UPF2: variants seen among roughly 807,000 people sequenced by gnomAD.
UPF2 encodes the protein regulator of nonsense transcripts 2.
Under a neutral mutation model 141.4 loss-of-function variants are expected in UPF2, and 17 were observed. That is an observed-to-expected ratio of 0.12 (90% CI 0.08 to 0.18). The LOEUF (loss-of-function observed/expected upper bound fraction) is 0.18, where lower values mean the gene tolerates loss of function less well. Ranked by LOEUF, UPF2 falls within the 10% of genes least tolerant of loss-of-function variation. The pLI, the probability that UPF2 is intolerant of heterozygous loss-of-function variation, is 1.00. For missense variants in UPF2, 1,152 were observed against 1,515.9 expected (o/e 0.76, Z 3.99); for synonymous variants, 540 against 498.0 (o/e 1.08, Z -1.12).
chr10:11,928,204 G>A (rs958007865), intron 21 of UPF2, among the ~76,000 whole-genome samples: 1 of 152,070 alleles, frequency 6.6e-6, no homozygotes, highest in African/African-American at 2.4e-5. Flanking sequence ...GGCGTGCTGG[G>A]TGGGCACCTG....
Position 11,983,386 on chromosome 10 carries a change from T to A in UPF2, c.1845-4221A>T, listed in dbSNP as rs139841993. Among the ~76,000 whole-genome samples, 5 of 152,316 alleles carry A rather than the reference T, an allele frequency of 3.3e-5. No individual in the cohort carries two copies. The East Asian group carries it at 9.6e-4, about 29-fold the overall frequency. ...ATGCTGGATTCTTATTTACTTATTT[T>A]TTTTTAGATGGAGTCTCGCTCTGCC... On this transcript the variant is annotated intron_variant, in intron 8 of 21. Coordinates refer to ENST00000357604, the MANE Select transcript of UPF2 (RefSeq NM_015542.4).
intron 4 of UPF2, 54 bp downstream of exon 4, chr10:12,013,969 GT>G: frequency 1.4e-6 from 2 of 1,410,350 alleles, no homozygotes; most frequent in Non-Finnish European, 1.9e-6. Context: ...AAGCCTAAAG[GT>G]AAGTGACAGT....
intron 9 of UPF2, among the ~76,000 whole-genome samples, chr10:11,969,728 G>A (rs756149841): frequency 6.6e-6 from 1 of 152,200 alleles, no homozygotes; most frequent in African/African-American, 2.4e-5. Flanking sequence ...GATTGATTGA[G>A]TGTGCACTGT....
At chr10:12,039,696 C>T (rs1834701001) in intron 1 of UPF2, among the ~76,000 whole-genome samples, 1 of 151,482 alleles carries the variant, frequency 6.6e-6, no homozygotes, top group Non-Finnish European at 1.5e-5. Context: ...TCTCGGCTCA[C>T]CACAACCTCT....
Position 12,029,233 on chromosome 10 carries a change from C to T in UPF2, c.657G>A (p.Val219=). Residue 219 remains valine, a synonymous_variant, in exon 3 of 22, where the codon GTG becomes GTA. Transcript: ENST00000357604. The part of the protein sequence containing the change: ...IVEAKLKISD[V]NCAVHLCSLF... ...GAGAGCAGAGGTGCACAGCACAGTT[C>T]ACATCAGAGATTTTTAGTTTTGCTT... 12 of 1,614,162 alleles carry T rather than the reference C, an allele frequency of 7.4e-6. No homozygotes were observed. Among genetic ancestry groups the T allele is most frequent in the Non-Finnish European group, 1.0e-5 (12 of 1,180,028 alleles).
chr10:12,000,685 C>T (rs1287625470), intron 6 of UPF2, among the ~76,000 whole-genome samples: 2 of 152,060 alleles, frequency 1.3e-5, no homozygotes, highest in African/African-American at 4.8e-5. Flanking sequence ...TGCACGTCTA[C>T]AGTCCCAGCT....
chr10:11,934,871 A>G (rs566324327), intron 19 of UPF2, among the ~76,000 whole-genome samples: 2 of 152,214 alleles, frequency 1.3e-5, no homozygotes, highest in Admixed American at 6.5e-5. Flanking sequence ...TACAGGTGTG[A>G]GCCACTATGC....
intron 9 of UPF2, among the ~76,000 whole-genome samples, chr10:11,977,907 A>T (rs909508028): frequency 6.6e-6 from 1 of 152,142 alleles, no homozygotes; most frequent in Non-Finnish European, 1.5e-5. Flanking sequence ...CTTACGTACT[A>T]CTACCTATGA....
At chr10:12,009,168 T>C (rs1329107311) in intron 4 of UPF2, among the ~76,000 whole-genome samples, 1 of 152,172 alleles carries the variant, frequency 6.6e-6, no homozygotes, top group Non-Finnish European at 1.5e-5. Context: ...AATGCATATA[T>C]CCTTTTAACC....
At position 11,931,398 on chromosome 10, in the gene UPF2, T is replaced by C. The variant is rs1045144551; in HGVS notation, c.3688+243A>G. Among the ~76,000 whole-genome samples, 74 of 152,218 alleles carry C rather than the reference T, an allele frequency of 4.9e-4. No individual in the cohort carries two copies. The highest frequency in any genetic ancestry group is 1.7e-3 in the African/African-American group (71 of 41,452). On this transcript the variant is annotated intron_variant, in intron 20 of 21. Coordinates refer to ENST00000357604, the MANE Select transcript of UPF2 (RefSeq NM_015542.4). The surrounding 1 kb of genome is among the most constrained non-coding windows in gnomAD (Gnocchi z 5.9). ...GCTGGCAATGTGAAGCAATTAAAAA[T>C]TGATTATCACCTTGCTTGCAAACGT...
intron 11 of UPF2, among the ~76,000 whole-genome samples, chr10:11,962,831 CT>C (rs1464416779): frequency 6.6e-6 from 1 of 152,164 alleles, no homozygotes; most frequent in East Asian, 1.9e-4. Flanking sequence ...ACTGGTTTCT[CT>C]TCTCTGCCTT....
In UPF2 at chr10:11,992,178, G is replaced by C. The variant is rs1214642986; in HGVS notation, c.1844+5494C>G. Reference sequence around the variant, plus strand: ...AATGAAAATGACCTTCAGCAAATAAGGGCATTAGAGCAAGAAATTTTAATA... The same window carrying C: ...AATGAAAATGACCTTCAGCAAATAACGGCATTAGAGCAAGAAATTTTAATA... On this transcript the variant is annotated intron_variant, in intron 8 of 21. Coordinates refer to ENST00000357604, the MANE Select transcript of UPF2 (RefSeq NM_015542.4). The surrounding 1 kb of genome is among the most constrained non-coding windows in gnomAD (Gnocchi z 4.1). Among the ~76,000 whole-genome samples, 1 of 151,892 alleles carries C rather than the reference G, an allele frequency of 6.6e-6. No homozygotes were observed. Among genetic ancestry groups the C allele is most frequent in the African/African-American group, 2.4e-5 (1 of 41,350 alleles).
At position 11,935,812 on chromosome 10, in the gene UPF2, C is replaced by A. The variant is rs181356922; in HGVS notation, c.3546+733G>T. ...TAGTGATGCTCAATAGTTGACAAATCAACTATGGATCGCTAGAGTAACAGC... is the reference window on the plus strand; with the variant it reads ...TAGTGATGCTCAATAGTTGACAAATAAACTATGGATCGCTAGAGTAACAGC... On this transcript the variant is annotated intron_variant, in intron 19 of 21. Coordinates refer to ENST00000357604, the MANE Select transcript of UPF2 (RefSeq NM_015542.4). This position sits in a 1 kb window ranked among gnomAD's most constrained non-coding sequence, Gnocchi z 4.9. 6.6e-6 allele frequency among the ~76,000 whole-genome samples: 1 copy of A among 152,236 alleles called. No individual in the cohort carries two copies. The highest frequency in any genetic ancestry group is 1.9e-4 in the East Asian group (1 of 5,174).
At chr10:11,961,068 C>G (rs1296290555) in intron 11 of UPF2, among the ~76,000 whole-genome samples, 2 of 137,624 alleles carry the variant, frequency 1.5e-5, no homozygotes, top group Admixed American at 7.8e-5. Flanking sequence ...CCAGCCTGGG[C>G]AACAGCGGGA....
intron 10 of UPF2, among the ~76,000 whole-genome samples, chr10:11,967,013 T>A (rs72777703): frequency 0.084 from 12,846 of 152,310 alleles, 713 homozygotes; most frequent in Non-Finnish European, 0.13. Context: ...CCCATTTTTT[T>A]ATTTAATTTT....
rs150850281 is a variant in UPF2 at position 11,943,060 on chromosome 10, G to A, written c.3279+4C>T. On this transcript the variant is annotated splice_donor_region_variant and intron_variant, in intron 17 of 21. Transcript: ENST00000357604. Reference sequence around the variant, plus strand: ...CAAAAAGTAAATTTTTCAGCCATACGTACAGTATTCTCTTCATCGGTTTCA... The same window carrying A: ...CAAAAAGTAAATTTTTCAGCCATACATACAGTATTCTCTTCATCGGTTTCA... The A allele has an allele frequency of 3.5e-4, 557 of 1,599,592 alleles. 3 individuals carry two copies. In the African/African-American group the frequency reaches 5.4e-3, roughly 16 times the overall value.
chr10:12,010,289 T>C (rs1834104662), intron 4 of UPF2, among the ~76,000 whole-genome samples: 1 of 152,106 alleles, frequency 6.6e-6, no homozygotes, highest in African/African-American at 2.4e-5. Context: ...GTCAAGCAAC[T>C]GCAATCAATT....
At position 11,999,887 on chromosome 10, in the gene UPF2, TAC is replaced by T. The variant is rs1361380602; in HGVS notation, c.1758+17_1758+18del. ...CAAGGTCCATGTGCTTGAATAAAGT[TAC>T]ACAGAGATACCAATACCTTGTCTAT... is the stretch of plus-strand genomic sequence containing the variant. On this transcript the variant is annotated intron_variant, in intron 7 of 21. Transcript: ENST00000357604. The T allele has an allele frequency of 1.2e-6, 2 of 1,603,370 alleles. No individual in the cohort carries two copies. Among genetic ancestry groups the T allele is most frequent in the Non-Finnish European group, 1.7e-6 (2 of 1,170,432 alleles).
At position 11,999,933 on chromosome 10, in the gene UPF2, G is replaced by A; in HGVS notation, c.1731C>T (p.Asn577=). 1 of 1,613,874 alleles carries A rather than the reference G, an allele frequency of 6.2e-7. No individual in the cohort carries two copies. Among genetic ancestry groups the A allele is most frequent in the Non-Finnish European group, 8.5e-7 (1 of 1,179,910 alleles). ...TGTCTATCAGATCTCGGTTGACACA[G>A]TTGGGTAACTGCTGTAGGAAAGCAT... ...IVDAFLQQLP[N]CVNRDLIDKA... is the part of the protein sequence containing the mutation. Residue 577 remains asparagine (N), a synonymous_variant, in exon 7 of 22, where the codon AAC becomes AAT. Coordinates refer to ENST00000357604, the MANE Select transcript of UPF2 (RefSeq NM_015542.4).
Sources: gnomAD v4.1 joint callset for allele counts (sites outside exome capture counted in the v4.1 genomes callset) on GRCh38, gnomAD v4.1.1 for gene constraint, Gnocchi (gnomAD v3.1) non-coding constraint, MANE v1.5 for transcripts, NCBI Gene and HGNC (gene_info 2026-07-23, HGNC 2026-07-21) for gene names.